The following TLK1 variants were observed in gnomAD, a reference collection of about 807,000 sequenced individuals.
TLK1 encodes the protein serine/threonine-protein kinase tousled-like 1.
Under a neutral mutation model 105.3 loss-of-function variants are expected in TLK1, and 24 were observed. That is an observed-to-expected ratio of 0.23 (90% CI 0.17 to 0.32). The LOEUF is 0.32. Among genes scored for constraint, TLK1 ranks in the 10% least tolerant of loss-of-function variants. The pLI is 1.00. For synonymous variants in TLK1, 321 were observed against 310.4 expected (o/e 1.03, Z -0.36); for missense variants, 558 against 910.5 (o/e 0.61, Z 4.98).
chr2:171,058,052 A>G, intron 5 of TLK1, 99 bp downstream of exon 5: 1 of 1,199,826 alleles, frequency 8.3e-7, no homozygotes, highest in South Asian at 1.3e-5. Context: ...TAATCAAGTA[A>G]GTAATCAAAA....
chr2:171,021,528 A>G (rs1350457208), intron 12 of TLK1, among the ~76,000 whole-genome samples: 1 of 146,236 alleles, frequency 6.8e-6, no homozygotes, highest in Non-Finnish European at 1.5e-5. Flanking sequence ...TCTGCCTCCC[A>G]AAGTGCTGGG....
chr2:171,206,712 T>G (rs1278062090), intron 1 of TLK1, among the ~76,000 whole-genome samples: 1 of 152,118 alleles, frequency 6.6e-6, no homozygotes, highest in Non-Finnish European at 1.5e-5. Flanking sequence ...ACATGAAAAG[T>G]CCCCTTGACG....
At chr2:171,187,670 C>T (rs989900655) in intron 1 of TLK1, among the ~76,000 whole-genome samples, 1 of 152,166 alleles carries the variant, frequency 6.6e-6, no homozygotes, top group African/African-American at 2.4e-5. Flanking sequence ...GAAGCCAGCT[C>T]TCCACCATTC....
chr2:171,178,809 C>A (rs1196615742), intron 1 of TLK1, among the ~76,000 whole-genome samples: 1 of 152,184 alleles, frequency 6.6e-6, no homozygotes, highest in Non-Finnish European at 1.5e-5. Context: ...TTTAGGCATT[C>A]TACCATTTTC....
At chr2:171,128,312 C>T (rs1252053725) in intron 1 of TLK1, among the ~76,000 whole-genome samples, 1 of 152,076 alleles carries the variant, frequency 6.6e-6, no homozygotes, top group Non-Finnish European at 1.5e-5. Context: ...TCATCAAAAA[C>T]ATACGTAGGT....
At chr2:171,101,715 A>G (rs1689701926) in intron 2 of TLK1, among the ~76,000 whole-genome samples, 1 of 152,244 alleles carries the variant, frequency 6.6e-6, no homozygotes, top group Admixed American at 6.5e-5. Context: ...AAAGTACAGT[A>G]TATAATCATT....
intron 1 of TLK1, among the ~76,000 whole-genome samples, chr2:171,184,925 G>A (rs1419798776): frequency 2.6e-5 from 4 of 151,800 alleles, no homozygotes; most frequent in East Asian, 2.0e-4. Context: ...TACAAGCTCC[G>A]CCTCCCAGGA....
At chr2:171,003,174 T>C (rs1188363035) in intron 18 of TLK1, among the ~76,000 whole-genome samples, 4 of 144,548 alleles carry the variant, frequency 2.8e-5, no homozygotes, top group African/African-American at 1.0e-4. Flanking sequence ...CTCAGGAGGC[T>C]GAGGCAGGAA....
chr2:171,040,815 G>A (rs1352860138), intron 11 of TLK1, among the ~76,000 whole-genome samples: 1 of 151,986 alleles, frequency 6.6e-6, no homozygotes, highest in Non-Finnish European at 1.5e-5. Context: ...AGGCTCAAGT[G>A]ATCCTCCCGT....
At chr2:171,003,538 A>G (rs1463940151) in intron 18 of TLK1, among the ~76,000 whole-genome samples, 4 of 152,166 alleles carry the variant, frequency 2.6e-5, no homozygotes, top group African/African-American at 9.7e-5. Context: ...AAGGTTGACA[A>G]TATTGCACTA....
chr2:171,079,870 T>G (rs764926755), intron 3 of TLK1, among the ~76,000 whole-genome samples: 2 of 152,172 alleles, frequency 1.3e-5, no homozygotes, highest in African/African-American at 4.8e-5. Context: ...GAAAAGGGAT[T>G]GTGGTGAGTT....
intron 3 of TLK1, among the ~76,000 whole-genome samples, chr2:171,063,773 T>C (rs1391988510): frequency 1.3e-5 from 2 of 152,134 alleles, no homozygotes; most frequent in Non-Finnish European, 2.9e-5. Flanking sequence ...TAAACAAAAT[T>C]AGATTTCTTT....
intron 1 of TLK1, among the ~76,000 whole-genome samples, chr2:171,173,476 C>T (rs1423985567): frequency 6.6e-6 from 1 of 152,142 alleles, no homozygotes; most frequent in Non-Finnish European, 1.5e-5. Flanking sequence ...CAGCCCCAAA[C>T]TCCTGGGCTC....
chr2:171,060,510 T>C (rs1211071592), intron 4 of TLK1, among the ~76,000 whole-genome samples: 1 of 152,222 alleles, frequency 6.6e-6, no homozygotes, highest in East Asian at 1.9e-4. Flanking sequence ...ACATTATGTA[T>C]AAAGTCATCA....
chr2:171,106,059 A>G (rs1689910990), intron 2 of TLK1, among the ~76,000 whole-genome samples: 1 of 152,230 alleles, frequency 6.6e-6, no homozygotes. Context: ...AGCAACACTG[A>G]TGAGCTTGGA....
rs749170852 is a variant in TLK1 at position 171,160,471 on chromosome 2, G to C, written c.-43C>G. The C allele has an allele frequency of 1.3e-6, 2 of 1,574,060 alleles. No individual in the cohort carries two copies. The highest frequency in any genetic ancestry group is 3.7e-5 in the Admixed American group (2 of 53,598). On this transcript the variant is annotated 5_prime_UTR_variant, in exon 1 of 21. Transcript: ENST00000431350. The surrounding 1 kb of genome is among the most constrained non-coding windows in gnomAD (Gnocchi z 4.4). The stretch of plus-strand genomic sequence containing the variant: ...ACCCGACTCCCCCCCTGCGACGGCA[G>C]CGGCGGCAACGGCACCGGCACCCGC...
intron 1 of TLK1, among the ~76,000 whole-genome samples, chr2:171,223,682 G>T (rs999845416): frequency 1.3e-5 from 2 of 151,922 alleles, no homozygotes; most frequent in African/African-American, 4.8e-5. Context: ...GTTTTGCCAT[G>T]TTGGCCAGGG....
At chr2:171,084,782 A>G (rs1373321878) in intron 2 of TLK1, among the ~76,000 whole-genome samples, 1 of 152,212 alleles carries the variant, frequency 6.6e-6, no homozygotes, top group African/African-American at 2.4e-5. Flanking sequence ...AAGACATGAA[A>G]CAACTATATA....
At chr2:171,032,048 T>C (rs1458636404) in intron 11 of TLK1, among the ~76,000 whole-genome samples, 1 of 151,986 alleles carries the variant, frequency 6.6e-6, no homozygotes, top group Non-Finnish European at 1.5e-5. Flanking sequence ...AGACTGCCAC[T>C]GTACTCCAGC....
Sources: gnomAD v4.1 joint callset for allele counts (sites outside exome capture counted in the v4.1 genomes callset) on GRCh38, gnomAD v4.1.1 for gene constraint, Gnocchi (gnomAD v3.1) non-coding constraint, MANE v1.5 for transcripts, NCBI Gene and HGNC (gene_info 2026-07-23, HGNC 2026-07-21) for gene names.